RUNX2: variants seen among roughly 807,000 people sequenced by gnomAD.
The protein encoded by RUNX2 is runt-related transcription factor 2.
A neutral mutation model predicts 51.7 loss-of-function variants in RUNX2; 10 were observed. That is an observed-to-expected ratio of 0.19 (90% CI 0.12 to 0.33). The LOEUF is 0.33. Among genes scored for constraint, RUNX2 ranks in the 10% least tolerant of loss-of-function variants. The probability of loss-of-function intolerance (pLI) is 1.00; values close to 1 mark genes in which losing one functional copy is unlikely to be tolerated. For missense variants in RUNX2, 562 were observed against 691.3 expected, an observed-to-expected ratio of 0.81 and a Z score of 2.10; for synonymous variants, 276 against 273.6, an observed-to-expected ratio of 1.01 and a Z score of -0.09.
chr6:45,347,755 ATTCT>A (rs1158196688), intron 2 of RUNX2, among the ~76,000 whole-genome samples: 4 of 151,396 alleles, frequency 2.6e-5, no homozygotes, highest in Non-Finnish European at 4.4e-5. Flanking sequence ...GAACTTCACA[ATTCT>A]TTTTTTTAAA....
chr6:45,450,276 C>T (rs1799124976), intron 5 of RUNX2, among the ~76,000 whole-genome samples: 1 of 152,214 alleles, frequency 6.6e-6, no homozygotes, highest in African/African-American at 2.4e-5. Context: ...AGATCCGTTC[C>T]TCCCCCAACC....
At chr6:45,423,016 G>T in intron 3 of RUNX2, 59 bp downstream of exon 3, 2 of 1,585,656 alleles carry the variant, frequency 1.3e-6, no homozygotes, top group Non-Finnish European at 1.7e-6. Context: ...GCCCGCCGGT[G>T]TCTTCCTGCC....
At chr6:45,330,724 T>C (rs1787305102) in intron 2 of RUNX2, among the ~76,000 whole-genome samples, 1 of 151,874 alleles carries the variant, frequency 6.6e-6, no homozygotes. Flanking sequence ...TGAACCTTTT[T>C]TTTTTCCAAC....
At chr6:45,434,346 G>T (rs1019908999) in intron 4 of RUNX2, among the ~76,000 whole-genome samples, 1 of 151,950 alleles carries the variant, frequency 6.6e-6, no homozygotes, top group Admixed American at 6.6e-5. Flanking sequence ...ATTAAGTCTG[G>T]ATCAACATGC....
chr6:45,477,621 G>A (rs1799992381), intron 5 of RUNX2, among the ~76,000 whole-genome samples: 1 of 152,062 alleles, frequency 6.6e-6, no homozygotes, highest in South Asian at 2.1e-4. Flanking sequence ...CTGTACTGTT[G>A]TCTGTACCTC....
At chr6:45,401,358 T>C (rs1484960083) in intron 2 of RUNX2, among the ~76,000 whole-genome samples, 4 of 152,248 alleles carry the variant, frequency 2.6e-5, no homozygotes, top group Non-Finnish European at 1.5e-5. Flanking sequence ...TTATATACTC[T>C]TTAATCCATT....
intron 2 of RUNX2, among the ~76,000 whole-genome samples, chr6:45,362,069 C>A (rs990115438): frequency 1.3e-5 from 2 of 152,210 alleles, no homozygotes; most frequent in Admixed American, 1.3e-4. Context: ...ACAACAACAA[C>A]AACAACAACA....
chr6:45,494,213 G>T (rs1187507493), intron 6 of RUNX2, among the ~76,000 whole-genome samples: 1 of 152,310 alleles, frequency 6.6e-6, no homozygotes, highest in East Asian at 1.9e-4. Context: ...TGCCACAAAT[G>T]CATCTGAGCA....
chr6:45,404,184 C>A (rs1797780263), intron 2 of RUNX2, among the ~76,000 whole-genome samples: 1 of 140,144 alleles, frequency 7.1e-6, no homozygotes, highest in African/African-American at 2.7e-5. Flanking sequence ...TGCTTGGAAC[C>A]AGGTGGCAGA....
intron 2 of RUNX2, among the ~76,000 whole-genome samples, chr6:45,357,004 G>T (rs925557918): frequency 1.3e-5 from 2 of 151,908 alleles, no homozygotes; most frequent in African/African-American, 4.8e-5. Context: ...TAGTAATGAA[G>T]AATCCATTTT....
At chr6:45,490,617 T>A (rs6929487) in intron 5 of RUNX2, among the ~76,000 whole-genome samples, 1,953 of 152,318 alleles carry the variant, frequency 0.013, 32 homozygotes, top group African/African-American at 0.04. Context: ...ACATTCCTCT[T>A]GTTCTGTATT....
chr6:45,540,470 A>G lies in RUNX2; in HGVS notation c.1022-4747A>G, dbSNP rs116842560. Among the ~76,000 whole-genome samples the G allele has an allele frequency of 1.1e-4, 17 of 152,230 alleles. No individual in the cohort carries two copies. The East Asian group carries it at 2.1e-3, about 19-fold the overall frequency. ...GAATAGAATGCTGGAGCTAGGACAG[A>G]GAACCATGTTGGAGTCTCGTGTTGC... On this transcript the variant is annotated intron_variant, in intron 7 of 8. Coordinates refer to ENST00000647337, the MANE Select transcript of RUNX2 (RefSeq NM_001024630.4).
chr6:45,497,633 C>T (rs182938325), intron 6 of RUNX2, among the ~76,000 whole-genome samples: 1 of 152,124 alleles, frequency 6.6e-6, no homozygotes, highest in African/African-American at 2.4e-5. Context: ...CAAGCAGAGT[C>T]GAATCAGGCT....
At chr6:45,407,190 G>A (rs1797853808) in intron 2 of RUNX2, among the ~76,000 whole-genome samples, 1 of 151,224 alleles carries the variant, frequency 6.6e-6, no homozygotes, top group Non-Finnish European at 1.5e-5. Context: ...TGCAACCTCC[G>A]CCTCCCGGGC....
intron 2 of RUNX2, among the ~76,000 whole-genome samples, chr6:45,352,399 A>T (rs1439507230): frequency 1.3e-5 from 2 of 152,200 alleles, no homozygotes; most frequent in Non-Finnish European, 2.9e-5. Context: ...ATAGATACAA[A>T]TCTAATAAAT....
chr6:45,447,760 C>T (rs1036834161), intron 5 of RUNX2, among the ~76,000 whole-genome samples: 2 of 152,076 alleles, frequency 1.3e-5, no homozygotes, highest in Non-Finnish European at 1.5e-5. Context: ...CACCTTAGTT[C>T]TTCCTTTTAA....
At position 45,546,905 on chromosome 6, in the gene RUNX2, A is replaced by G. The variant is rs115347084; in HGVS notation, c.1166A>G (p.Asn389Ser). 2.3e-4 allele frequency: 378 copies of G among 1,613,886 alleles called. No individual in the cohort carries two copies. In the African/African-American group the frequency reaches 4.3e-3, roughly 18 times the overall value. The change falls in exon 9 of 9, where the codon AAC (asparagine) becomes AGC (serine). Residue 389 changes from asparagine (N) to serine (S), a missense_variant. This residue lies in a region of RUNX2 where 304 missense variants were observed against 353.2 expected (regional missense o/e 0.86). Coordinates refer to ENST00000647337, the MANE Select transcript of RUNX2 (RefSeq NM_001024630.4). ...TCCCTCACTGAGAGCCGCTTCTCCAACCCACGAATGCACTATCCAGCCACC... is the reference window on the plus strand; with the variant it reads ...TCCCTCACTGAGAGCCGCTTCTCCAGCCCACGAATGCACTATCCAGCCACC... ...ISSLTESRFS[N>S]PRMHYPATFT...
intron 2 of RUNX2, among the ~76,000 whole-genome samples, chr6:45,392,178 A>G (rs921119070): frequency 6.6e-6 from 1 of 152,216 alleles, no homozygotes; most frequent in Non-Finnish European, 1.5e-5. Flanking sequence ...TGAGGTGTGC[A>G]AGCTAATAGA....
At position 45,455,396 on chromosome 6, in the gene RUNX2, C is replaced by T. The variant is rs985159282; in HGVS notation, c.685+17345C>T. ...TTTAGATGCTTTTGTTCTTGGTGAGCTTGGTAATTAAAAGAAGGTAATTTT... is the reference window on the plus strand; with the variant it reads ...TTTAGATGCTTTTGTTCTTGGTGAGTTTGGTAATTAAAAGAAGGTAATTTT... On this transcript the variant is annotated intron_variant, in intron 5 of 8. Coordinates refer to ENST00000647337, the MANE Select transcript of RUNX2 (RefSeq NM_001024630.4). Among the ~76,000 whole-genome samples the T allele has an allele frequency of 8.6e-5, 13 of 151,972 alleles. No individual in the cohort carries two copies. In the East Asian group the frequency reaches 2.5e-3, roughly 29 times the overall value.
Sources: allele counts gnomAD v4.1 joint callset (sites outside exome capture counted in the v4.1 genomes callset), GRCh38; gene constraint gnomAD v4.1.1; regional missense constraint gnomAD v4.1.1; transcripts MANE v1.5; gene names NCBI Gene and HGNC (gene_info 2026-07-23, HGNC 2026-07-21).